CAMK1D: variants seen among roughly 807,000 people sequenced by gnomAD.
CAMK1D encodes calcium/calmodulin dependent protein kinase ID.
CAMK1D carries 9 observed loss-of-function variants against 47.7 expected under a neutral mutation model. That is an observed-to-expected ratio of 0.19 (90% CI 0.11 to 0.33). The LOEUF (loss-of-function observed/expected upper bound fraction) is 0.33, where lower values mean the gene tolerates loss of function less well. CAMK1D is among the 10% of genes least tolerant of loss of function. The pLI, the probability that CAMK1D is intolerant of heterozygous loss-of-function variation, is 1.00. For missense variants in CAMK1D, 291 were observed against 488.7 expected (o/e 0.60, Z 3.81); for synonymous variants, 184 against 184.9 (o/e 0.99, Z 0.04).
At chr10:12,748,439 CT>C (rs1463152486) in intron 3 of CAMK1D, among the ~76,000 whole-genome samples, 6 of 152,140 alleles carry the variant, frequency 3.9e-5, no homozygotes, top group African/African-American at 7.2e-5. Flanking sequence ...GATGGGGGCA[CT>C]GGCGTGTGAC....
chr10:12,384,561 A>G (rs993869139), intron 1 of CAMK1D, among the ~76,000 whole-genome samples: 1 of 152,198 alleles, frequency 6.6e-6, no homozygotes, highest in Admixed American at 6.5e-5. Flanking sequence ...TGACTGTCTT[A>G]TTGGTTAAGA....
chr10:12,361,057 A>ATGCAACTTAT (rs1837643233), intron 1 of CAMK1D, among the ~76,000 whole-genome samples: 1 of 152,130 alleles, frequency 6.6e-6, no homozygotes, highest in East Asian at 1.9e-4. Context: ...CTTTGCATAT[A>ATGCAACTTAT]AGTTGGGGAC....
intron 3 of CAMK1D, among the ~76,000 whole-genome samples, chr10:12,714,986 T>G (rs1305991649): frequency 1.4e-4 from 22 of 152,188 alleles, no homozygotes; most frequent in Admixed American, 1.4e-3. Context: ...CTAGCTATTT[T>G]GGAATATACA....
At chr10:12,810,305 C>T (rs1389636419) in intron 6 of CAMK1D, among the ~76,000 whole-genome samples, 2 of 130,430 alleles carry the variant, frequency 1.5e-5, no homozygotes, top group South Asian at 2.4e-4. Context: ...GATGGAGTCT[C>T]GCTTTGTTGC....
chr10:12,364,226 A>G (rs567360256), intron 1 of CAMK1D, among the ~76,000 whole-genome samples: 1 of 148,126 alleles, frequency 6.8e-6, no homozygotes, highest in Non-Finnish European at 1.5e-5. Context: ...CTTGACTCCA[A>G]TGCGCATTCT....
At chr10:12,804,472 G>C (rs1165749957) in intron 6 of CAMK1D, among the ~76,000 whole-genome samples, 2 of 152,060 alleles carry the variant, frequency 1.3e-5, no homozygotes, top group African/African-American at 4.8e-5. Flanking sequence ...AAATTAGCCA[G>C]GCGTGGTGGT....
chr10:12,502,167 C>A (rs1834724699), intron 1 of CAMK1D, among the ~76,000 whole-genome samples: 1 of 152,166 alleles, frequency 6.6e-6, no homozygotes, highest in Non-Finnish European at 1.5e-5. Context: ...AGCAGGCAGT[C>A]TGGACCGAAG....
intron 1 of CAMK1D, among the ~76,000 whole-genome samples, chr10:12,524,882 T>C (rs1191752960): frequency 6.6e-6 from 1 of 152,248 alleles, no homozygotes; most frequent in African/African-American, 2.4e-5. Context: ...ACCTGAAGCA[T>C]TTCCTTTAGC....
intron 2 of CAMK1D, among the ~76,000 whole-genome samples, chr10:12,613,624 G>T (rs11815546): frequency 0.01 from 1,583 of 152,228 alleles, 29 homozygotes; most frequent in African/African-American, 0.036. Flanking sequence ...GATTACAGGC[G>T]TCTGACACCA....
In CAMK1D at chr10:12,354,827, C is replaced by T. The variant is rs749569895; in HGVS notation, c.92+4917C>T. 1.5e-3 allele frequency among the ~76,000 whole-genome samples: 222 copies of T among 144,932 alleles called. 1 individual carries two copies. The highest frequency in any genetic ancestry group is 7.1e-3 in the Middle Eastern group (2 of 280). ...TTGTGTGGCTAGGTGCAGCTCATTT[C>T]TGTTTGGAGGAAAATTTTTTTTTTT... is the stretch of plus-strand genomic sequence containing the variant. On this transcript the variant is annotated intron_variant, in intron 1 of 10. Coordinates refer to ENST00000619168, the MANE Select transcript of CAMK1D (RefSeq NM_153498.4).
At chr10:12,584,370 A>G (rs756854153) in intron 2 of CAMK1D, among the ~76,000 whole-genome samples, 1 of 152,190 alleles carries the variant, frequency 6.6e-6, no homozygotes, top group Non-Finnish European at 1.5e-5. Context: ...AGAGATAATG[A>G]CCATGCTGGT....
At chr10:12,765,661 C>T (rs559489787) in intron 4 of CAMK1D, among the ~76,000 whole-genome samples, 5 of 152,286 alleles carry the variant, frequency 3.3e-5, no homozygotes, top group South Asian at 2.1e-4. Context: ...CATTGTCTCA[C>T]GCCAAGGAAA....
At chr10:12,741,287 A>G (rs1215968425) in intron 3 of CAMK1D, among the ~76,000 whole-genome samples, 2 of 152,194 alleles carry the variant, frequency 1.3e-5, no homozygotes, top group African/African-American at 2.4e-5. Context: ...AGCAGAGACC[A>G]CATGCTCTTG....
At chr10:12,587,472 G>T (rs1588663797) in intron 2 of CAMK1D, among the ~76,000 whole-genome samples, 1 of 151,850 alleles carries the variant, frequency 6.6e-6, no homozygotes, top group Non-Finnish European at 1.5e-5. Context: ...TGGAGGCTTG[G>T]CGGCATGTTA....
At chr10:12,719,628 AC>A (rs1347274123) in intron 3 of CAMK1D, among the ~76,000 whole-genome samples, 1 of 151,912 alleles carries the variant, frequency 6.6e-6, no homozygotes, top group African/African-American at 2.4e-5. Flanking sequence ...CTTTGCACTA[AC>A]CTTTCCACTG....
intron 3 of CAMK1D, among the ~76,000 whole-genome samples, chr10:12,673,869 G>C (rs1408737004): frequency 1.3e-5 from 2 of 152,110 alleles, no homozygotes; most frequent in Non-Finnish European, 2.9e-5. Flanking sequence ...ATTATTTTTG[G>C]TTGTTGTATT....
At chr10:12,738,875 G>A (rs1052001507) in intron 3 of CAMK1D, among the ~76,000 whole-genome samples, 4 of 151,944 alleles carry the variant, frequency 2.6e-5, no homozygotes, top group African/African-American at 4.8e-5. Flanking sequence ...ATAACCACAC[G>A]TAAGATTATG....
At chr10:12,495,124 A>G (rs1479529659) in intron 1 of CAMK1D, among the ~76,000 whole-genome samples, 2 of 152,236 alleles carry the variant, frequency 1.3e-5, no homozygotes, top group Non-Finnish European at 2.9e-5. Flanking sequence ...TGTGGGCTGT[A>G]AACTTAGAAT....
At chr10:12,757,190 G>A (rs911645403) in intron 3 of CAMK1D, among the ~76,000 whole-genome samples, 1 of 152,056 alleles carries the variant, frequency 6.6e-6, no homozygotes, top group Non-Finnish European at 1.5e-5. Context: ...GAGTGCAGTG[G>A]TGCGATCATA....
Sources: gnomAD v4.1 joint callset for allele counts (sites outside exome capture counted in the v4.1 genomes callset) on GRCh38, gnomAD v4.1.1 for gene constraint, MANE v1.5 for transcripts, NCBI Gene and HGNC (gene_info 2026-07-23, HGNC 2026-07-21) for gene names.